Variants in CHN2 observed in about 807,000 individuals in gnomAD.
CHN2 encodes chimerin 2.
In CHN2, 35 loss-of-function variants were observed where a neutral mutation model predicts 56.3. The ratio of observed to expected loss-of-function variants is 0.62; its 90% CI spans 0.47 to 0.82. The LOEUF is 0.82. Ranked by LOEUF, CHN2 falls within the 40% of genes least tolerant of loss-of-function variation. CHN2 has a pLI of 0.00. For missense variants in CHN2, 491 were observed against 580.5 expected (o/e 0.85, Z 1.58); for synonymous variants, 210 against 212.8 (o/e 0.99, Z 0.12).
At chr7:29,459,016 CTGGTTTTGAA>C (rs1784963664) in intron 6 of CHN2, among the ~76,000 whole-genome samples, 1 of 152,174 alleles carries the variant, frequency 6.6e-6, no homozygotes, top group Non-Finnish European at 1.5e-5. Context: ...AGAAGTTTCC[CTGGTTTTGAA>C]TTAAGTTACA....
chr7:29,157,219 C>G (rs1324150534), intron 2 of CHN2, among the ~76,000 whole-genome samples: 1 of 152,206 alleles, frequency 6.6e-6, no homozygotes, highest in Non-Finnish European at 1.5e-5. Flanking sequence ...ACCCACACCT[C>G]TGAGTGGGGA....
chr7:29,411,490 C>A (rs1317281825), intron 6 of CHN2, among the ~76,000 whole-genome samples: 1 of 152,132 alleles, frequency 6.6e-6, no homozygotes, highest in East Asian at 1.9e-4. Flanking sequence ...GTAGGAGCTT[C>A]TGGTGGAGTC....
intron 3 of CHN2, among the ~76,000 whole-genome samples, chr7:29,385,017 A>C (rs1562565500): frequency 6.6e-6 from 1 of 152,184 alleles, no homozygotes; most frequent in Non-Finnish European, 1.5e-5. Context: ...TGTTTTTTGT[A>C]GTTTAACCTC....
intron 1 of CHN2, among the ~76,000 whole-genome samples, chr7:29,308,717 T>G (rs1794357431): frequency 6.6e-6 from 1 of 152,220 alleles, no homozygotes; most frequent in South Asian, 2.1e-4. Context: ...AGTCTTCCTG[T>G]GTGCCCAGGA....
At chr7:29,213,143 G>A in intron 1 of CHN2, 8 of 1,529,392 alleles carry the variant, frequency 5.2e-6, no homozygotes, top group Non-Finnish European at 7.2e-6. Flanking sequence ...AAATGACTAG[G>A]TATTTTAGTA....
intron 1 of CHN2, among the ~76,000 whole-genome samples, chr7:29,250,706 TTCTTC>T (rs1788428995): frequency 7.0e-6 from 1 of 142,110 alleles, no homozygotes; most frequent in Admixed American, 7.2e-5. Flanking sequence ...TTACCTGAAC[TTCTTC>T]TTTTTTTTTT....
intron 1 of CHN2, among the ~76,000 whole-genome samples, chr7:29,218,745 T>C (rs941102760): frequency 1.4e-5 from 2 of 144,266 alleles, no homozygotes; most frequent in African/African-American, 5.2e-5. Context: ...TAGGTGGGAA[T>C]TGAACAATGA....
chr7:29,259,356 A>G (rs568156061), intron 1 of CHN2, among the ~76,000 whole-genome samples: 1 of 151,990 alleles, frequency 6.6e-6, no homozygotes, highest in East Asian at 1.9e-4. Context: ...ACAAACATAC[A>G]AACAAAACCC....
intron 6 of CHN2, among the ~76,000 whole-genome samples, chr7:29,433,978 C>T (rs1197518516): frequency 6.6e-6 from 1 of 152,102 alleles, no homozygotes; most frequent in Non-Finnish European, 1.5e-5. Flanking sequence ...TTAACCACAA[C>T]TGAAAGAGAT....
At position 29,244,069 on chromosome 7, in the gene CHN2, G is replaced by A. The variant is rs116640042; in HGVS notation, c.49+49079G>A. ...CTAAACTAAAAAGGAAACATTGAAT[G>A]GTGCTTAGTTTTAAGTCTGTGGGTT... On this transcript the variant is annotated intron_variant, in intron 1 of 12. Coordinates refer to ENST00000222792, the MANE Select transcript of CHN2 (RefSeq NM_004067.4). Among the ~76,000 whole-genome samples the A allele has an allele frequency of 4.7e-3, 709 of 152,218 alleles. 2 individuals are homozygous for A. Among genetic ancestry groups the A allele is most frequent in the African/African-American group, 0.016 (656 of 41,538 alleles).
intron 1 of CHN2, among the ~76,000 whole-genome samples, chr7:29,266,311 CA>C (rs1174599835): frequency 2.6e-5 from 4 of 152,152 alleles, no homozygotes; most frequent in Non-Finnish European, 5.9e-5. Flanking sequence ...TCAACACCGA[CA>C]AAGGGTCTAA....
intron 3 of CHN2, among the ~76,000 whole-genome samples, chr7:29,392,379 C>G (rs1219384230): frequency 5.3e-5 from 8 of 152,160 alleles, no homozygotes; most frequent in Admixed American, 5.2e-4. Context: ...TAACCAGGTG[C>G]CTTTTTACAC....
intron 1 of CHN2, among the ~76,000 whole-genome samples, chr7:29,301,047 A>G (rs1793619282): frequency 6.6e-6 from 1 of 152,230 alleles, no homozygotes; most frequent in South Asian, 2.1e-4. Context: ...TATTAAACAT[A>G]TAAATGACAA....
chr7:29,396,610 G>T (rs1387565695), intron 4 of CHN2: 1 of 152,278 alleles, frequency 6.6e-6, no homozygotes, highest in African/African-American at 2.4e-5. Context: ...TGGCCCACGG[G>T]CTGTGTCTTC....
chr7:29,168,090 T>C (rs1796150954), intron 2 of CHN2, among the ~76,000 whole-genome samples: 1 of 152,208 alleles, frequency 6.6e-6, no homozygotes, highest in South Asian at 2.1e-4. Context: ...GGCAACAATA[T>C]TACCTAGCAT....
At chr7:29,305,799 C>G (rs924005331) in intron 1 of CHN2, among the ~76,000 whole-genome samples, 4 of 151,812 alleles carry the variant, frequency 2.6e-5, no homozygotes. Context: ...TCCATCCTCC[C>G]GTTCCTTCCT....
At chr7:29,238,069 G>A (rs908749361) in intron 1 of CHN2, among the ~76,000 whole-genome samples, 2 of 147,086 alleles carry the variant, frequency 1.4e-5, no homozygotes, top group African/African-American at 2.5e-5. Context: ...CCAGGCTGGA[G>A]TGCAGTGGTA....
chr7:29,311,610 A>G (rs894452014), intron 1 of CHN2, among the ~76,000 whole-genome samples: 2 of 152,216 alleles, frequency 1.3e-5, no homozygotes, highest in African/African-American at 2.4e-5. Flanking sequence ...CAGCATCTCT[A>G]TGCTGAGCAT....
At chr7:29,472,272 T>TACACACACACACAC (rs113034467) in intron 6 of CHN2, among the ~76,000 whole-genome samples, 9 of 112,316 alleles carry the variant, frequency 8.0e-5, no homozygotes, top group East Asian at 2.3e-4. Context: ...CAAAACAAAA[T>TACACACACACACAC]ACACACACAC....
Sources: gnomAD v4.1 joint callset for allele counts (sites outside exome capture counted in the v4.1 genomes callset) on GRCh38, gnomAD v4.1.1 for gene constraint, MANE v1.5 for transcripts, NCBI Gene and HGNC (gene_info 2026-07-23, HGNC 2026-07-21) for gene names.